Variants in MAB21L3 observed in about 807,000 individuals in gnomAD.
MAB21L3 encodes the protein protein mab-21-like 3.
A neutral mutation model predicts 37.7 loss-of-function variants in MAB21L3; 36 were observed. The observed-to-expected ratio is 0.96, with a 90% CI of 0.73 to 1.26. MAB21L3 has a LOEUF of 1.26. Ranked by LOEUF, MAB21L3 falls within the 50% of genes most tolerant of loss-of-function variation. The pLI, the probability that MAB21L3 is intolerant of heterozygous loss-of-function variation, is 0.00. For missense variants in MAB21L3, 430 were observed against 447.3 expected, an observed-to-expected ratio of 0.96 and a Z score of 0.35; for synonymous variants, 186 against 176.8, an observed-to-expected ratio of 1.05 and a Z score of -0.41.
chr1:116,128,885 A>G lies in MAB21L3; in HGVS notation c.855+546A>G, dbSNP rs1659988214. On this transcript the variant is annotated intron_variant, in intron 7 of 7. Transcript: ENST00000369500. ...ACTTCTTTCCAGGGTCCAAATCACCAGGCAAGGATCTTCCCTTGCTCTGCC... is the reference window on the plus strand; with the variant it reads ...ACTTCTTTCCAGGGTCCAAATCACCGGGCAAGGATCTTCCCTTGCTCTGCC... 2.0e-5 allele frequency among the ~76,000 whole-genome samples: 3 copies of G among 152,224 alleles called. 1 individual carries two copies. The highest frequency in any genetic ancestry group is 2.0e-4 in the Admixed American group (3 of 15,290).
intron 7 of MAB21L3, among the ~76,000 whole-genome samples, chr1:116,130,214 G>A (rs1021122691): frequency 6.6e-6 from 1 of 152,216 alleles, no homozygotes; most frequent in African/African-American, 2.4e-5. Context: ...GGATCTCCCA[G>A]CCATGGCTGC....
At chr1:116,127,703 C>A in intron 6 of MAB21L3, 59 bp downstream of exon 6, 1 of 1,503,070 alleles carries the variant, frequency 6.7e-7, no homozygotes, top group Admixed American at 2.1e-5. Flanking sequence ...TAACCAGTCA[C>A]AGCATTACTG....
At chr1:116,127,024 G>A (rs1659926718) in intron 5 of MAB21L3, among the ~76,000 whole-genome samples, 1 of 152,180 alleles carries the variant, frequency 6.6e-6, no homozygotes, top group African/African-American at 2.4e-5. Flanking sequence ...GGTAGGTTCG[G>A]TGTATTAATA....
chr1:116,112,690 G>A (rs757206369), intron 3 of MAB21L3, 27 bp downstream of exon 3: 1 of 1,611,752 alleles, frequency 6.2e-7, no homozygotes, highest in Non-Finnish European at 8.5e-7. Context: ...TCTCTCCCAT[G>A]AACCCCCTCC....
At chr1:116,132,957 G>C (rs1040788591) in intron 7 of MAB21L3, among the ~76,000 whole-genome samples, 175 bp from the exon 8 acceptor site, 2 of 152,210 alleles carry the variant, frequency 1.3e-5, no homozygotes, top group Non-Finnish European at 2.9e-5. Context: ...CGGGAGACCA[G>C]CTGGTAAACT....
chr1:116,119,160 G>A (rs1487014219), intron 3 of MAB21L3, among the ~76,000 whole-genome samples: 1 of 152,120 alleles, frequency 6.6e-6, no homozygotes, highest in Non-Finnish European at 1.5e-5. Context: ...TCCCATAATA[G>A]CATCCCACAA....
intron 5 of MAB21L3, among the ~76,000 whole-genome samples, chr1:116,125,380 T>C (rs1487922539): frequency 1.3e-5 from 2 of 152,246 alleles, no homozygotes; most frequent in Non-Finnish European, 2.9e-5. Flanking sequence ...TTCTCTGCCA[T>C]AGGTTTTATA....
At chr1:116,120,090 A>C (rs1156601293) in intron 3 of MAB21L3, among the ~76,000 whole-genome samples, 1 of 152,094 alleles carries the variant, frequency 6.6e-6, no homozygotes, top group Non-Finnish European at 1.5e-5. Flanking sequence ...GTAGAGTCTC[A>C]CCATGGTTCA....
At chr1:116,128,062 A>T in intron 6 of MAB21L3, 83 bp from the exon 7 acceptor site, 3 of 1,433,880 alleles carry the variant, frequency 2.1e-6, no homozygotes, top group Non-Finnish European at 2.8e-6. Flanking sequence ...AGTTCCCCAG[A>T]CCAGCAGACT....
chr1:116,118,187 T>G (rs1333971549), intron 3 of MAB21L3, among the ~76,000 whole-genome samples: 1 of 151,984 alleles, frequency 6.6e-6, no homozygotes, highest in African/African-American at 2.4e-5. Context: ...ATTGACACCA[T>G]CCTAGCTAAC....
At chr1:116,127,257 G>A (rs17459041) in intron 5 of MAB21L3, among the ~76,000 whole-genome samples, 5,980 of 152,256 alleles carry the variant, frequency 0.039, 172 homozygotes, top group Middle Eastern at 0.15. Context: ...ATGTTCCGAT[G>A]CTGGCTAGCT....
Position 116,124,221 on chromosome 1 carries a change from G to T in MAB21L3, c.345G>T (p.Glu115Asp), listed in dbSNP as rs763849077. ...RDPEGLQQWL[E>D]VEQFMKSLWQ... ...CTGAGGGTCTGCAGCAGTGGCTGGA[G>T]GTGGAACAGTTTATGAAGAGCCTGT... Residue 115 changes from glutamate (E) to aspartate (D), a missense_variant, in exon 5 of 8, where the codon GAG becomes GAT. Coordinates refer to ENST00000369500, the MANE Select transcript of MAB21L3 (RefSeq NM_152367.3). 3 of 1,614,226 alleles carry T rather than the reference G, an allele frequency of 1.9e-6. No homozygotes were observed. Among genetic ancestry groups the T allele is most frequent in the South Asian group, 1.1e-5 (1 of 91,086 alleles).
In MAB21L3 at chr1:116,133,307, A is replaced by C. The variant is rs757080067; in HGVS notation, c.1031A>C (p.Asp344Ala). 6.2e-7 allele frequency: 1 copy of C among 1,614,194 alleles called. No individual in the cohort carries two copies. Among genetic ancestry groups the C allele is most frequent in the East Asian group, 2.2e-5 (1 of 44,864 alleles). Residue 344 changes from aspartate to alanine, a missense_variant, in exon 8 of 8, where the codon GAC becomes GCC. Coordinates refer to ENST00000369500, the MANE Select transcript of MAB21L3 (RefSeq NM_152367.3). ...CAGTGCACCAACCCGACTGAACTGGACACTGTGGCCCAAAAGCTGGCCACC... is the reference window on the plus strand; with the variant it reads ...CAGTGCACCAACCCGACTGAACTGGCCACTGTGGCCCAAAAGCTGGCCACC... ...LFQCTNPTEL[D>A]TVAQKLATFL...
Position 116,124,332 on chromosome 1 carries a change from T to A in MAB21L3, c.456T>A (p.Asn152Lys), listed in dbSNP as rs1659835769. The change falls in exon 5 of 8, where the codon AAT becomes AAA. Residue 152 changes from asparagine to lysine, a missense_variant. Coordinates refer to ENST00000369500, the MANE Select transcript of MAB21L3 (RefSeq NM_152367.3). ...TAGTGTTCCGGAAGCTGGTGGAAAA[T>A]GCAGTTAGAACCTGTCACCTCTCAG... ...VLLVFRKLVE[N>K]AVRTCHLSGK... The A allele has an allele frequency of 6.2e-7, 1 of 1,613,664 alleles. No individual in the cohort carries two copies. The highest frequency in any genetic ancestry group is 1.7e-4 in the Middle Eastern group (1 of 5,938).
intron 2 of MAB21L3, among the ~76,000 whole-genome samples, chr1:116,112,023 C>A (rs190917975): frequency 5.0e-4 from 76 of 152,248 alleles, no homozygotes; most frequent in Non-Finnish European, 9.6e-4. Flanking sequence ...TGTTTGCGGG[C>A]ATAATGATGG....
Position 116,128,213 on chromosome 1 carries a change from G to C in MAB21L3, c.729G>C (p.Gln243His). 1 of 1,614,148 alleles carries C rather than the reference G, an allele frequency of 6.2e-7. No homozygotes were observed. Among genetic ancestry groups the C allele is most frequent in the South Asian group, 1.1e-5 (1 of 91,064 alleles). ...HWQLSFLRAEQVLLEQLDEDG... is the reference protein window; with the variant it reads ...HWQLSFLRAEHVLLEQLDEDG... ...AGCTGAGCTTCCTCCGTGCTGAGCA[G>C]GTGTTACTGGAACAGCTGGATGAAG... Residue 243 changes from glutamine (Q) to histidine (H), a missense_variant, in exon 7 of 8, where the codon CAG becomes CAC. Physicochemically the swap from Gln to His is conservative, Grantham distance 24. Coordinates refer to ENST00000369500, the MANE Select transcript of MAB21L3 (RefSeq NM_152367.3).
rs1660156889 is a variant in MAB21L3, at chr1:116,134,286, A to T, written c.*921A>T. ...CTTTGCTCACTTCATTCACTCACTC[A>T]CTCATTGACAAATAATGCTCATTAG... On this transcript the variant is annotated 3_prime_UTR_variant, in exon 8 of 8. Transcript: ENST00000369500. 6.6e-6 allele frequency: 1 copy of T among 152,192 alleles called. No individual in the cohort carries two copies. The highest frequency in any genetic ancestry group is 2.1e-4 in the South Asian group (1 of 4,832). The allele number at this position is 152,192 out of a possible 1,614,324, so 9.4% of individuals were successfully genotyped here. A position where few individuals can be genotyped will look rare whatever the true frequency, so the allele number is the denominator to read the frequency against.
chr1:116,127,076 C>A (rs1659927769), intron 5 of MAB21L3, among the ~76,000 whole-genome samples: 1 of 152,108 alleles, frequency 6.6e-6, no homozygotes, highest in Admixed American at 6.5e-5. Context: ...CAGGATGTGA[C>A]CTCATCGTAA....
rs1372782660 is a variant in MAB21L3, at chr1:116,138,097, C to T, written c.*4732C>T. ...ATGTAACTAACCTGCACATTGTGCA[C>T]ATGTACCCTAAAACTTAAAGTATGA... On this transcript the variant is annotated 3_prime_UTR_variant, in exon 8 of 8. Coordinates refer to ENST00000369500, the MANE Select transcript of MAB21L3 (RefSeq NM_152367.3). 6.7e-6 allele frequency among the ~76,000 whole-genome samples: 1 copy of T among 150,308 alleles called. No homozygotes were observed. The highest frequency in any genetic ancestry group is 2.5e-5 in the African/African-American group (1 of 40,720).
Sources: allele counts gnomAD v4.1 joint callset (sites outside exome capture counted in the v4.1 genomes callset), GRCh38; gene constraint gnomAD v4.1.1; transcripts MANE v1.5; gene names NCBI Gene and HGNC (gene_info 2026-07-23, HGNC 2026-07-21).